The following GNAO1 variants were observed in gnomAD, a reference collection of about 807,000 sequenced individuals.
GNAO1 encodes the protein guanine nucleotide-binding protein G(o) subunit alpha.
For synonymous variants in GNAO1, 164 were observed against 180.7 expected, an observed-to-expected ratio of 0.91 and a Z score of 0.74; for missense variants, 166 against 478.7, an observed-to-expected ratio of 0.35 and a Z score of 6.10.
In GNAO1 at chr16:56,337,180, T is replaced by TA. The variant is rs1428048444; in HGVS notation, c.723+327dup. Among the ~76,000 whole-genome samples, 54 of 152,116 alleles carry TA rather than the reference T, an allele frequency of 3.5e-4. 1 individual carries two copies. The highest frequency in any genetic ancestry group is 1.9e-4 in the East Asian group (1 of 5,186). On this transcript the variant is annotated intron_variant, in intron 6 of 8. Coordinates refer to ENST00000262493, the MANE Select transcript of GNAO1 (RefSeq NM_020988.3). ...GGCCATAGCAAATTTAAGCAAACCC[T>TA]AAAAAAACCAGGAGGCAGCCAAGCA...
intron 4 of GNAO1, among the ~76,000 whole-genome samples, chr16:56,330,016 G>A (rs1338300699): frequency 6.6e-6 from 1 of 152,224 alleles, no homozygotes; most frequent in Non-Finnish European, 1.5e-5. Flanking sequence ...TGAGGCCAAT[G>A]TTCACTCCTG....
chr16:56,344,136 G>A lies in GNAO1; in HGVS notation c.724-7248G>A. The A allele has an allele frequency of 3.5e-6, 5 of 1,439,890 alleles. No homozygotes were observed. In the South Asian group the frequency reaches 5.9e-5, roughly 17 times the overall value. 89.2% of individuals were successfully genotyped at this position (1,439,890 alleles called of 1,614,324 possible). A position where few individuals can be genotyped will look rare whatever the true frequency, so the allele number is the denominator to read the frequency against. Reference sequence around the variant, plus strand: ...CCCCAACAGAACTTGTGGTAACGCAGGGGCGGGGCGGGGCTGCTGAGTGCA... The same window carrying A: ...CCCCAACAGAACTTGTGGTAACGCAAGGGCGGGGCGGGGCTGCTGAGTGCA... On this transcript the variant is annotated intron_variant, in intron 6 of 8. Transcript: ENST00000262493.
chr16:56,243,964 G>A (rs1436327209), intron 2 of GNAO1, among the ~76,000 whole-genome samples: 12 of 152,170 alleles, frequency 7.9e-5, no homozygotes, highest in African/African-American at 2.9e-4. Context: ...GAGTTGCCCA[G>A]GGCACTATTA....
chr16:56,342,479 C>G (rs2037815361), intron 6 of GNAO1, among the ~76,000 whole-genome samples: 1 of 152,222 alleles, frequency 6.6e-6, no homozygotes, highest in South Asian at 2.1e-4. Flanking sequence ...GGGTCCTGTT[C>G]TTCTGCCCCT....
At chr16:56,329,080 G>C (rs2037664149) in intron 4 of GNAO1, 1 of 315,302 alleles carries the variant, frequency 3.2e-6, no homozygotes, top group Non-Finnish European at 5.9e-6. Flanking sequence ...GAGAGTGCCT[G>C]GCACTGCAAA....
chr16:56,192,008 A>ACC lies in GNAO1; in HGVS notation c.-225_-224dup, dbSNP rs2036178768. Reference sequence around the variant, plus strand: ...GACCCCGGCCACCCTCGATTCGACAACCCCAGACCCCTGCCAGCTGCCGCG... The same window carrying ACC: ...GACCCCGGCCACCCTCGATTCGACAACCCCCCAGACCCCTGCCAGCTGCCGCG... On this transcript the variant is annotated 5_prime_UTR_variant, in exon 1 of 9. Transcript: ENST00000262493. 4 of 520,644 alleles carry ACC rather than the reference A, an allele frequency of 7.7e-6. No individual in the cohort carries two copies. The highest frequency in any genetic ancestry group is 1.4e-5 in the Non-Finnish European group (4 of 294,304). 32.3% of individuals were successfully genotyped at this position (520,644 alleles called of 1,614,324 possible).
intron 2 of GNAO1, among the ~76,000 whole-genome samples, chr16:56,198,356 T>C (rs2036252183): frequency 6.6e-6 from 1 of 152,238 alleles, no homozygotes; most frequent in African/African-American, 2.4e-5. Context: ...AAGGAAGCTG[T>C]CCAACAGATC....
At chr16:56,206,299 G>A (rs947968941) in intron 2 of GNAO1, among the ~76,000 whole-genome samples, 6 of 145,446 alleles carry the variant, frequency 4.1e-5, no homozygotes, top group Non-Finnish European at 6.0e-5. Flanking sequence ...CAGCCTGGGC[G>A]ACAGCGTGAG....
At chr16:56,248,594 A>G (rs904839651) in intron 2 of GNAO1, among the ~76,000 whole-genome samples, 5 of 152,222 alleles carry the variant, frequency 3.3e-5, no homozygotes, top group African/African-American at 4.8e-5. Flanking sequence ...AAAAATAAAC[A>G]GGGAGGGACT....
chr16:56,283,362 C>T (rs1328257005), intron 3 of GNAO1, among the ~76,000 whole-genome samples: 3 of 152,186 alleles, frequency 2.0e-5, no homozygotes, highest in African/African-American at 7.2e-5. Context: ...CGCCCATGCT[C>T]TTGTTCCACC....
At chr16:56,198,233 C>T (rs777041942) in intron 2 of GNAO1, among the ~76,000 whole-genome samples, 15 of 152,190 alleles carry the variant, frequency 9.9e-5, no homozygotes, top group Admixed American at 4.6e-4. Flanking sequence ...CTGATTGCAT[C>T]ATCTTAAAAA....
chr16:56,205,476 G>A (rs2036318590), intron 2 of GNAO1, among the ~76,000 whole-genome samples: 1 of 152,206 alleles, frequency 6.6e-6, no homozygotes, highest in South Asian at 2.1e-4. Context: ...GGCCTCATTG[G>A]TGGGAGGACC....
chr16:56,266,916 T>G (rs1462297510), intron 2 of GNAO1, among the ~76,000 whole-genome samples: 1 of 151,930 alleles, frequency 6.6e-6, no homozygotes, highest in Non-Finnish European at 1.5e-5. Flanking sequence ...CTAGGGGATT[T>G]GGGCTGCTGC....
At chr16:56,347,155 G>C in intron 6 of GNAO1, 1 of 985,410 alleles carries the variant, frequency 1.0e-6, no homozygotes, top group Non-Finnish European at 1.2e-6. Context: ...CTAGTGGCCT[G>C]CCCTCCTCCT....
chr16:56,239,290 T>G (rs1017395248), intron 2 of GNAO1, among the ~76,000 whole-genome samples: 1 of 152,240 alleles, frequency 6.6e-6, no homozygotes, highest in Admixed American at 6.5e-5. Context: ...ATGAAAACCA[T>G]GCAAAGTTGC....
intron 3 of GNAO1, among the ~76,000 whole-genome samples, chr16:56,315,612 C>T (rs866962227): frequency 2.0e-5 from 3 of 152,086 alleles, no homozygotes; most frequent in East Asian, 1.9e-4. Context: ...AGAGGCACCA[C>T]GTAAGGCTGT....
In GNAO1 at chr16:56,253,811, C is replaced by T. The variant is rs374613538; in HGVS notation, c.162-22120C>T. Among the ~76,000 whole-genome samples the T allele has an allele frequency of 3.9e-5, 6 of 152,294 alleles. No individual in the cohort carries two copies. In the East Asian group the frequency reaches 7.7e-4, roughly 20 times the overall value. ...GTGGGATGAAGGGGCCAGACCTGGG[C>T]CCTGCCTTCTCCCCAGCCTGGGGTA... On this transcript the variant is annotated intron_variant, in intron 2 of 8. Coordinates refer to ENST00000262493, the MANE Select transcript of GNAO1 (RefSeq NM_020988.3).
chr16:56,252,378 C>T (rs1298085783), intron 2 of GNAO1, among the ~76,000 whole-genome samples: 7 of 152,206 alleles, frequency 4.6e-5, no homozygotes, highest in African/African-American at 1.7e-4. Flanking sequence ...GCTGTGCTTC[C>T]TGGGCCAGCC....
intron 2 of GNAO1, among the ~76,000 whole-genome samples, chr16:56,275,143 G>T (rs1392221669): frequency 6.6e-6 from 1 of 152,232 alleles, no homozygotes; most frequent in East Asian, 1.9e-4. Context: ...AATGTAGGAT[G>T]TTAATCTTAA....
Sources: allele counts gnomAD v4.1 joint callset (sites outside exome capture counted in the v4.1 genomes callset), GRCh38; gene constraint gnomAD v4.1.1; transcripts MANE v1.5; gene names NCBI Gene and HGNC (gene_info 2026-07-23, HGNC 2026-07-21).